Variants in FAM227B observed in about 807,000 individuals in gnomAD.
The protein encoded by FAM227B is family with sequence similarity 227 member B, also known as protein FAM227B.
A neutral mutation model predicts 73.8 loss-of-function variants in FAM227B; 88 were observed. The observed-to-expected ratio is 1.19, with a 90% confidence interval of 1.00 to 1.42. The LOEUF is 1.42. FAM227B is among the 40% of genes most tolerant of loss of function. The pLI is 0.00. For synonymous variants in FAM227B, 210 were observed against 190.5 expected, an observed-to-expected ratio of 1.10 and a Z score of -0.84; for missense variants, 632 against 590.9, an observed-to-expected ratio of 1.07 and a Z score of -0.72.
chr15:49,584,290 A>G (rs1400486500), intron 5 of FAM227B, among the ~76,000 whole-genome samples: 2 of 152,252 alleles, frequency 1.3e-5, no homozygotes, highest in African/African-American at 4.8e-5. Context: ...TAGATGCAGA[A>G]AAGGCTTTCA....
intron 9 of FAM227B, among the ~76,000 whole-genome samples, chr15:49,562,232 CAA>C (rs1598257505): frequency 6.6e-6 from 1 of 152,010 alleles, no homozygotes; most frequent in African/African-American, 2.4e-5. Flanking sequence ...ACTACACACA[CAA>C]GTTAGAAAAT....
At chr15:49,550,303 C>T (rs766372560) in intron 9 of FAM227B, among the ~76,000 whole-genome samples, 1 of 142,870 alleles carries the variant, frequency 7.0e-6, no homozygotes, top group Non-Finnish European at 1.6e-5. Context: ...CGCCCCTCAC[C>T]TCCCGGACGG....
At chr15:49,527,923 T>C (rs751793164) in intron 10 of FAM227B, among the ~76,000 whole-genome samples, 11 of 151,866 alleles carry the variant, frequency 7.2e-5, no homozygotes, top group Non-Finnish European at 1.0e-4. Context: ...AAAATGACCA[T>C]GATGCCCAAA....
At chr15:49,513,359 T>C (rs900734847) in intron 10 of FAM227B, among the ~76,000 whole-genome samples, 1 of 152,228 alleles carries the variant, frequency 6.6e-6, no homozygotes, top group Non-Finnish European at 1.5e-5. Flanking sequence ...TGATCAGTGA[T>C]GTTGAGCTTT....
intron 1 of FAM227B, among the ~76,000 whole-genome samples, chr15:49,619,065 A>C (rs2078482815): frequency 6.6e-6 from 1 of 152,216 alleles, no homozygotes; most frequent in African/African-American, 2.4e-5. Flanking sequence ...TTGTCAAACA[A>C]GCTAGTCCTA....
chr15:49,460,384 T>C (rs1000684892), intron 11 of FAM227B, among the ~76,000 whole-genome samples: 3 of 152,190 alleles, frequency 2.0e-5, no homozygotes, highest in Admixed American at 6.5e-5. Flanking sequence ...TATAATTTAC[T>C]TAAGTGTTTT....
chr15:49,439,972 C>G (rs574935537), intron 11 of FAM227B, among the ~76,000 whole-genome samples: 10 of 151,854 alleles, frequency 6.6e-5, no homozygotes, highest in African/African-American at 2.4e-4. Flanking sequence ...ATATTGGGGA[C>G]AGGATTCAAA....
chr15:49,345,563 T>C (rs894346544), intron 13 of FAM227B, among the ~76,000 whole-genome samples: 3 of 152,250 alleles, frequency 2.0e-5, no homozygotes, highest in African/African-American at 7.2e-5. Flanking sequence ...AATGGTTATA[T>C]TCTACTCCTT....
At chr15:49,466,596 C>T (rs1385445853) in intron 11 of FAM227B, among the ~76,000 whole-genome samples, 27 of 151,912 alleles carry the variant, frequency 1.8e-4, no homozygotes, top group Admixed American at 1.3e-4. Flanking sequence ...CTTATGAATA[C>T]ATAAAGGGTT....
At chr15:49,538,719 G>A (rs1251777482) in intron 10 of FAM227B, among the ~76,000 whole-genome samples, 1 of 151,696 alleles carries the variant, frequency 6.6e-6, no homozygotes, top group East Asian at 1.9e-4. Flanking sequence ...TCTTTCTTCT[G>A]CTTGATCAAG....
intron 12 of FAM227B, among the ~76,000 whole-genome samples, chr15:49,368,304 T>TAA (rs2045515694): frequency 6.6e-6 from 1 of 152,182 alleles, no homozygotes; most frequent in Non-Finnish European, 1.5e-5. Flanking sequence ...ACTAATATTT[T>TAA]AAGTTTTCCT....
intron 10 of FAM227B, among the ~76,000 whole-genome samples, chr15:49,530,438 T>A (rs1008436024): frequency 1.3e-5 from 2 of 151,854 alleles, no homozygotes; most frequent in African/African-American, 4.8e-5. Flanking sequence ...ACTGATCTTG[T>A]TTCAGGAAGT....
intron 8 of FAM227B, among the ~76,000 whole-genome samples, chr15:49,569,534 T>C (rs569791032): frequency 6.6e-6 from 1 of 152,090 alleles, no homozygotes; most frequent in East Asian, 1.9e-4. Context: ...TGTTTATTTA[T>C]AGGGTACAAT....
At chr15:49,376,994 T>G (rs2046207113) in intron 11 of FAM227B, among the ~76,000 whole-genome samples, 1 of 152,046 alleles carries the variant, frequency 6.6e-6, no homozygotes, top group Admixed American at 6.6e-5. Context: ...TTTTTTTTAT[T>G]GTCTCCATTA....
chr15:49,541,593 T>A, intron 10 of FAM227B, 87 bp downstream of exon 10: 1 of 1,188,538 alleles, frequency 8.4e-7, no homozygotes, highest in Non-Finnish European at 1.1e-6. Context: ...GAACTACCAA[T>A]ATTTTTGGAT....
rs916521619 is a variant in FAM227B at position 49,548,128 on chromosome 15, C to T, written c.748-6322G>A. ...AGAGGAAAAACTTTCAGTTTTTCCC[C>T]ATTCAGCATGATACTAGCTCTGAGT... On this transcript the variant is annotated intron_variant, in intron 9 of 15. Coordinates refer to ENST00000299338, the MANE Select transcript of FAM227B (RefSeq NM_152647.3). Among the ~76,000 whole-genome samples the T allele has an allele frequency of 2.6e-5, 4 of 152,142 alleles. No individual in the cohort carries two copies. In the East Asian group the frequency reaches 7.7e-4, roughly 29 times the overall value.
At chr15:49,434,572 G>A (rs1387109363) in intron 11 of FAM227B, 4 of 151,594 alleles carry the variant, frequency 2.6e-5, no homozygotes, top group Non-Finnish European at 5.9e-5. Flanking sequence ...TTTTGTAGAT[G>A]TTTGGTAGTA....
intron 11 of FAM227B, among the ~76,000 whole-genome samples, chr15:49,467,625 C>T (rs2054380490): frequency 1.3e-5 from 2 of 152,044 alleles, no homozygotes; most frequent in African/African-American, 4.8e-5. Flanking sequence ...AATATCCACA[C>T]CTATTCTGAT....
chr15:49,373,838 G>A (rs1167154827), intron 11 of FAM227B, among the ~76,000 whole-genome samples: 2 of 151,648 alleles, frequency 1.3e-5, no homozygotes, highest in Non-Finnish European at 2.9e-5. Flanking sequence ...TACAATAATT[G>A]ACTAAACTAT....
Sources: allele counts gnomAD v4.1 joint callset (sites outside exome capture counted in the v4.1 genomes callset), GRCh38; gene constraint gnomAD v4.1.1; transcripts MANE v1.5; gene names NCBI Gene and HGNC (gene_info 2026-07-23, HGNC 2026-07-21).